ABCC6: variants seen among roughly 807,000 people sequenced by gnomAD.
ABCC6 encodes ATP binding cassette subfamily C member 6.
ABCC6 carries 126 observed loss-of-function variants against 169.5 expected under a neutral mutation model. The observed-to-expected ratio is 0.74, with a 90% CI of 0.64 to 0.86. The LOEUF is 0.86. Among genes scored for constraint, ABCC6 ranks in the 40% least tolerant of loss-of-function variants. ABCC6 has a pLI of 0.00. For synonymous variants in ABCC6, 752 were observed against 814.7 expected (o/e 0.92, Z 1.31); for missense variants, 1,733 against 1,927.2 (o/e 0.90, Z 1.89).
At chr16:16,162,132 G>A (rs939456154) in intron 24 of ABCC6, among the ~76,000 whole-genome samples, 11 of 152,120 alleles carry the variant, frequency 7.2e-5, no homozygotes, top group Middle Eastern at 3.2e-3. Context: ...CCCCAGCCAC[G>A]TGGAACTGAG....
In ABCC6 at chr16:16,158,109, T is replaced by C. The variant is rs552460658; in HGVS notation, c.3736-300A>G. ...CTTTGTCTTTGTGAAAGGACATGAC[T>C]GTGCAGTGGGAAGACCAATACTGCC... On this transcript the variant is annotated intron_variant, in intron 26 of 30. Transcript: ENST00000205557. 1.0e-3 allele frequency among the ~76,000 whole-genome samples: 152 copies of C among 152,318 alleles called. 2 individuals carry two copies. The highest frequency in any genetic ancestry group is 3.4e-3 in the African/African-American group (142 of 41,564).
chr16:16,222,334 C>T (rs1457601957), intron 1 of ABCC6, among the ~76,000 whole-genome samples: 2 of 152,170 alleles, frequency 1.3e-5, no homozygotes, highest in East Asian at 1.9e-4. Flanking sequence ...CCCCAAACCT[C>T]GTTCGACTGG....
intron 22 of ABCC6, among the ~76,000 whole-genome samples, chr16:16,166,997 C>T (rs953961399): frequency 1.3e-5 from 2 of 152,250 alleles, no homozygotes; most frequent in Non-Finnish European, 1.5e-5. Context: ...AGAACTGCGA[C>T]AGAACAAATT....
chr16:16,190,312 C>T lies in ABCC6; in HGVS notation c.1487G>A (p.Arg496Lys), dbSNP rs759237396. The change falls in exon 12 of 31, where the codon AGG (arginine) becomes AAG (lysine). Residue 496 changes from arginine to lysine, a missense_variant. Coordinates refer to ENST00000205557, the MANE Select transcript of ABCC6 (RefSeq NM_001171.6). ...ATGGAACTTGATGGTCTTCGAGTTC[C>T]TGAGGATAGAGCTGGTGAGCCGTGC... ...SRARLTSSIL[R>K]NSKTIKFHGW... 1.2e-6 allele frequency: 2 copies of T among 1,614,072 alleles called. No homozygotes were observed. Among genetic ancestry groups the T allele is most frequent in the East Asian group, 4.5e-5 (2 of 44,894 alleles).
intron 29 of ABCC6, among the ~76,000 whole-genome samples, chr16:16,154,065 T>G (rs2046466592): frequency 6.6e-6 from 1 of 151,796 alleles, no homozygotes; most frequent in Non-Finnish European, 1.5e-5. Flanking sequence ...TCTTCCCACC[T>G]CAGCCTCCCA....
chr16:16,218,204 T>G, intron 4 of ABCC6, among the ~76,000 whole-genome samples: 1 of 138,770 alleles, frequency 7.2e-6, no homozygotes, highest in African/African-American at 2.7e-5. Context: ...GATCTGTGAG[T>G]CCAGACGTGG....
chr16:16,192,817 C>T lies in ABCC6; in HGVS notation c.1431+13G>A, dbSNP rs2047906946. 6 of 1,612,322 alleles carry T rather than the reference C, an allele frequency of 3.7e-6. No individual in the cohort carries two copies. Among genetic ancestry groups the T allele is most frequent in the Non-Finnish European group, 5.1e-6 (6 of 1,178,514 alleles). On this transcript the variant is annotated intron_variant, in intron 11 of 30. Transcript: ENST00000205557. ...ACTTCCTGCCTGGTCCGTCCCTTTCCCAAAAGCCAAACCTGATGGTGGTTC... is the reference window on the plus strand; with the variant it reads ...ACTTCCTGCCTGGTCCGTCCCTTTCTCAAAAGCCAAACCTGATGGTGGTTC...
rs530078237 is a variant in ABCC6 at position 16,202,509 on chromosome 16, C to T, written c.999-331G>A. On this transcript the variant is annotated intron_variant, in intron 8 of 30. Transcript: ENST00000205557. ...ATGTGACTGTATTTGGAAATAGGGC[C>T]TTTAAAGAGGCAATGAAGTTAAAAA... is the stretch of plus-strand genomic sequence containing the variant. Among the ~76,000 whole-genome samples the T allele has an allele frequency of 1.3e-3, 200 of 152,160 alleles. 1 individual carries two copies. Among genetic ancestry groups the T allele is most frequent in the African/African-American group, 4.3e-3 (180 of 41,504 alleles).
intron 27 of ABCC6, 108 bp from the exon 28 acceptor site, chr16:16,155,139 G>T: frequency 1.5e-6 from 2 of 1,311,532 alleles, no homozygotes; most frequent in Non-Finnish European, 2.1e-6. Flanking sequence ...CCCTCATTGT[G>T]TAAAGGTCTA....
At chr16:16,189,562 C>T (rs1340886807) in intron 12 of ABCC6, among the ~76,000 whole-genome samples, 2 of 151,706 alleles carry the variant, frequency 1.3e-5, no homozygotes, top group Admixed American at 6.6e-5. Flanking sequence ...GGATTACAGG[C>T]GCCCGCCACT....
At chr16:16,206,007 T>G (rs2048380858) in intron 7 of ABCC6, among the ~76,000 whole-genome samples, 2 of 152,218 alleles carry the variant, frequency 1.3e-5, no homozygotes, top group African/African-American at 4.8e-5. Context: ...CTCTGTCTCC[T>G]CTCCTCTGAG....
intron 13 of ABCC6, among the ~76,000 whole-genome samples, chr16:16,187,904 AAATTAAAT>A (rs1377286504): frequency 1.1e-3 from 131 of 119,752 alleles, no homozygotes; most frequent in African/African-American, 4.2e-3. Flanking sequence ...CTCAATAAAT[AAATTAAAT>A]AAATAAATAA....
chr16:16,170,190 T>G (rs972548992), intron 21 of ABCC6, among the ~76,000 whole-genome samples: 1 of 151,696 alleles, frequency 6.6e-6, no homozygotes, highest in Non-Finnish European at 1.5e-5. Context: ...AGCCTTGAAC[T>G]CCTAGGCTCA....
intron 9 of ABCC6, 131 bp downstream of exon 9, chr16:16,201,870 T>C (rs1224916438): frequency 1.0e-6 from 1 of 990,970 alleles, no homozygotes; most frequent in Non-Finnish European, 1.6e-6. Flanking sequence ...ACTAAGGAAG[T>C]GAGAATGTAT....
chr16:16,219,559 CG>C lies in ABCC6; in HGVS notation c.468del (p.Gly157GlufsTer75). ...TGGCCCACGCCCCGACTTACCGCTCCGGAGGCCTGCTGGGCAGCGTTGGTAG... is the reference window on the plus strand; with the variant it reads ...TGGCCCACGCCCCGACTTACCGCTCCGAGGCCTGCTGGGCAGCGTTGGTAG... The part of the protein sequence containing the change: ...LPATNAAQQA[S>X]GAGFQSDPVR... On this transcript the variant is annotated frameshift_variant, in exon 4 of 31. Transcript: ENST00000205557. LOFTEE classifies it high-confidence loss of function. 1 of 1,595,590 alleles carries C rather than the reference CG, an allele frequency of 6.3e-7. No homozygotes were observed. The highest frequency in any genetic ancestry group is 8.5e-7 in the Non-Finnish European group (1 of 1,172,094).
At chr16:16,193,070 G>A in intron 10 of ABCC6, 148 bp from the exon 11 acceptor site, 1 of 668,314 alleles carries the variant, frequency 1.5e-6, no homozygotes, top group Non-Finnish European at 2.6e-6. Context: ...TTAGGGTATT[G>A]TAAGTCACAG....
intron 14 of ABCC6, among the ~76,000 whole-genome samples, chr16:16,186,807 G>A (rs1027511695): frequency 5.3e-5 from 8 of 152,128 alleles, no homozygotes; most frequent in Admixed American, 2.0e-4. Context: ...TCCCCGGTCC[G>A]TGGGAAAACT....
intron 8 of ABCC6, 94 bp downstream of exon 8, chr16:16,203,316 A>G: frequency 6.4e-7 from 1 of 1,568,786 alleles, no homozygotes; most frequent in Non-Finnish European, 8.7e-7. Context: ...CCAGACGTAT[A>G]GGCAGAGGCA....
intron 9 of ABCC6, 69 bp downstream of exon 9, chr16:16,201,932 C>G (rs891417572): frequency 6.3e-7 from 1 of 1,591,978 alleles, no homozygotes; most frequent in South Asian, 1.1e-5. Context: ...CTGCTGATAA[C>G]ATTACTGCCC....
Sources: gnomAD v4.1 joint callset for allele counts (sites outside exome capture counted in the v4.1 genomes callset) on GRCh38, gnomAD v4.1.1 for gene constraint, MANE v1.5 for transcripts, NCBI Gene and HGNC (gene_info 2026-07-23, HGNC 2026-07-21) for gene names.